ADAMTS19: variants seen among roughly 807,000 people sequenced by gnomAD.
The protein encoded by ADAMTS19 is A disintegrin and metalloproteinase with thrombospondin motifs 19.
ADAMTS19 carries 93 observed loss-of-function variants against 153.3 expected under a neutral mutation model. That is an observed-to-expected ratio of 0.61 (90% CI 0.51 to 0.72). ADAMTS19 has a LOEUF of 0.72. Among genes scored for constraint, ADAMTS19 ranks in the 30% least tolerant of loss-of-function variants. The probability of loss-of-function intolerance (pLI) is 0.00; values close to 1 mark genes in which losing one functional copy is unlikely to be tolerated. For missense variants in ADAMTS19, 1,482 were observed against 1,552.1 expected, an observed-to-expected ratio of 0.95 and a Z score of 0.76; for synonymous variants, 600 against 556.6, an observed-to-expected ratio of 1.08 and a Z score of -1.10.
At chr5:129,579,458 C>T (rs1749395595) in intron 7 of ADAMTS19, among the ~76,000 whole-genome samples, 1 of 152,118 alleles carries the variant, frequency 6.6e-6, no homozygotes, top group Admixed American at 6.5e-5. Flanking sequence ...TCCCATTTGT[C>T]AATTGTGCCT....
At chr5:129,639,357 G>T (rs577896190) in intron 10 of ADAMTS19, among the ~76,000 whole-genome samples, 1 of 152,230 alleles carries the variant, frequency 6.6e-6, no homozygotes, top group African/African-American at 2.4e-5. Context: ...TGCCTTACTT[G>T]TGGGATTTTG....
At chr5:129,615,200 T>C (rs924346340) in intron 8 of ADAMTS19, among the ~76,000 whole-genome samples, 1 of 152,104 alleles carries the variant, frequency 6.6e-6, no homozygotes, top group African/African-American at 2.4e-5. Context: ...AAAGTTCATA[T>C]GGAACCAAAA....
chr5:129,704,804 GAC>G (rs758914630), intron 21 of ADAMTS19, among the ~76,000 whole-genome samples: 2 of 151,992 alleles, frequency 1.3e-5, no homozygotes, highest in Non-Finnish European at 2.9e-5. Context: ...CTAGATAAAA[GAC>G]AGTCATTTTC....
intron 22 of ADAMTS19, 55 bp downstream of exon 22, chr5:129,735,164 T>C: frequency 6.9e-7 from 1 of 1,447,362 alleles, no homozygotes; most frequent in Non-Finnish European, 9.2e-7. Flanking sequence ...GCTTATGGCT[T>C]CTTGTATTTT....
chr5:129,622,114 A>C, intron 9 of ADAMTS19, 84 bp from the exon 10 acceptor site: 1 of 1,348,972 alleles, frequency 7.4e-7, no homozygotes, highest in Non-Finnish European at 1.0e-6. Flanking sequence ...TGATATTATT[A>C]AAGTGTTTCT....
At chr5:129,616,402 T>C (rs1751530549) in intron 8 of ADAMTS19, among the ~76,000 whole-genome samples, 1 of 152,016 alleles carries the variant, frequency 6.6e-6, no homozygotes, top group South Asian at 2.1e-4. Flanking sequence ...GTATTCAGCA[T>C]AAAAAGCCTA....
chr5:129,733,143 T>G (rs1375067627), intron 21 of ADAMTS19, among the ~76,000 whole-genome samples: 1 of 152,062 alleles, frequency 6.6e-6, no homozygotes, highest in East Asian at 1.9e-4. Flanking sequence ...TCTCTCACCA[T>G]ATACAAAAAT....
chr5:129,672,977 A>G (rs1300816671), intron 16 of ADAMTS19, among the ~76,000 whole-genome samples: 1 of 151,996 alleles, frequency 6.6e-6, no homozygotes, highest in Non-Finnish European at 1.5e-5. Context: ...TGTCAATTTC[A>G]TTGGTTTAAA....
chr5:129,615,998 G>A (rs961565558), intron 8 of ADAMTS19, among the ~76,000 whole-genome samples: 22 of 151,866 alleles, frequency 1.4e-4, no homozygotes, highest in Admixed American at 8.6e-4. Context: ...TATAATGCAC[G>A]ACAACGTCAA....
At chr5:129,711,030 A>T (rs1003756558) in intron 21 of ADAMTS19, among the ~76,000 whole-genome samples, 2 of 152,178 alleles carry the variant, frequency 1.3e-5, no homozygotes, top group African/African-American at 4.8e-5. Context: ...GATGGCAAAT[A>T]CACTACCCCA....
At chr5:129,663,398 G>A (rs1248214488) in intron 15 of ADAMTS19, among the ~76,000 whole-genome samples, 2 of 152,084 alleles carry the variant, frequency 1.3e-5, no homozygotes, top group African/African-American at 4.8e-5. Context: ...AGTTCTTACT[G>A]GATGTTTCTA....
At chr5:129,550,664 A>G (rs756883091) in intron 6 of ADAMTS19, among the ~76,000 whole-genome samples, 1 of 151,460 alleles carries the variant, frequency 6.6e-6, no homozygotes, top group Non-Finnish European at 1.5e-5. Context: ...ATAAAGATCA[A>G]TGTGACTTCA....
intron 21 of ADAMTS19, among the ~76,000 whole-genome samples, chr5:129,734,652 T>A (rs1757587632): frequency 6.6e-6 from 1 of 151,998 alleles, no homozygotes; most frequent in Non-Finnish European, 1.5e-5. Context: ...TCACTCTCTT[T>A]CTCTTCAAGT....
At chr5:129,539,755 G>A (rs1193668055) in intron 6 of ADAMTS19, among the ~76,000 whole-genome samples, 9 of 151,988 alleles carry the variant, frequency 5.9e-5, no homozygotes, top group Non-Finnish European at 4.4e-5. Context: ...TTTATTTAGG[G>A]TAGATTAAAA....
chr5:129,460,941 T>G (rs906368034), intron 1 of ADAMTS19, among the ~76,000 whole-genome samples, 161 bp from the exon 2 acceptor site: 3 of 151,504 alleles, frequency 2.0e-5, no homozygotes, highest in Non-Finnish European at 1.5e-5. Context: ...TGTAATCTGA[T>G]CGCAAGGCTT....
At chr5:129,531,739 A>G (rs541207161) in intron 6 of ADAMTS19, among the ~76,000 whole-genome samples, 1 of 152,204 alleles carries the variant, frequency 6.6e-6, no homozygotes, top group East Asian at 1.9e-4. Flanking sequence ...GACTTACACG[A>G]TATGATTTCA....
At chr5:129,548,920 G>A (rs543255330) in intron 6 of ADAMTS19, among the ~76,000 whole-genome samples, 29 of 149,072 alleles carry the variant, frequency 1.9e-4, no homozygotes, top group Non-Finnish European at 3.7e-4. Context: ...GCAAACTATC[G>A]CAAGGACAAA....
intron 7 of ADAMTS19, among the ~76,000 whole-genome samples, chr5:129,582,352 C>A (rs1326096225): frequency 1.3e-5 from 2 of 150,872 alleles, no homozygotes; most frequent in Non-Finnish European, 3.0e-5. Context: ...TTATGTAATG[C>A]CCTTCTTTAT....
At chr5:129,662,474 A>C (rs1415609569) in intron 15 of ADAMTS19, among the ~76,000 whole-genome samples, 1 of 152,194 alleles carries the variant, frequency 6.6e-6, no homozygotes, top group East Asian at 1.9e-4. Context: ...AAATCAGTCT[A>C]ACCTGTCCTT....
Sources: gnomAD v4.1 joint callset for allele counts (sites outside exome capture counted in the v4.1 genomes callset) on GRCh38, gnomAD v4.1.1 for gene constraint, MANE v1.5 for transcripts, NCBI Gene and HGNC (gene_info 2026-07-23, HGNC 2026-07-21) for gene names.